Variants in C14orf132 observed in about 807,000 individuals in gnomAD.
The protein encoded by C14orf132 is chromosome 14 open reading frame 132, also known as uncharacterized protein C14orf132.
A neutral mutation model predicts 5.8 loss-of-function variants in C14orf132; 6 were observed. That is an observed-to-expected ratio of 1.03 (90% CI 0.57 to 2.04). The LOEUF (loss-of-function observed/expected upper bound fraction) is 2.04. C14orf132 is among the 30% of genes most tolerant of loss of function. The probability of loss-of-function intolerance (pLI) is 0.00; values close to 1 mark genes in which losing one functional copy is unlikely to be tolerated. For synonymous variants in C14orf132, 51 were observed against 49.8 expected (o/e 1.02, Z -0.10); for missense variants, 125 against 115.8 (o/e 1.08, Z -0.37).
At chr14:96,075,048 C>T (rs1345036525) in intron 1 of C14orf132, among the ~76,000 whole-genome samples, 3 of 152,098 alleles carry the variant, frequency 2.0e-5, no homozygotes, top group African/African-American at 7.2e-5. Flanking sequence ...GATTTCATGA[C>T]CATAGTATTT....
In C14orf132 at chr14:96,071,710, G is replaced by A. The variant is rs1401448468; in HGVS notation, c.28-14801G>A. Among the ~76,000 whole-genome samples, 5 of 152,306 alleles carry A rather than the reference G, an allele frequency of 3.3e-5. 1 individual carries two copies. Among genetic ancestry groups the A allele is most frequent in the South Asian group, 4.1e-4 (2 of 4,832 alleles). ...CTGAGGGATGGTGCCACTCAACCTC[G>A]GGAAGCTGGGCCCCCTTCTGTGGTG... On this transcript the variant is annotated intron_variant, in intron 1 of 1. Coordinates refer to ENST00000555004, the MANE Select transcript of C14orf132 (RefSeq NM_001252507.3).
chr14:96,045,186 G>A (rs1249983504), intron 1 of C14orf132, among the ~76,000 whole-genome samples: 1 of 152,210 alleles, frequency 6.6e-6, no homozygotes, highest in Non-Finnish European at 1.5e-5. Flanking sequence ...TTTAGGTTAA[G>A]GGATGTGCCT....
At chr14:96,071,953 G>A (rs1310957934) in intron 1 of C14orf132, among the ~76,000 whole-genome samples, 1 of 152,242 alleles carries the variant, frequency 6.6e-6, no homozygotes, top group East Asian at 1.9e-4. Context: ...TGTGAATGTG[G>A]CCTCACAGAG....
intron 1 of C14orf132, chr14:96,040,144 C>G (rs985564229): frequency 3.0e-5 from 4 of 134,632 alleles, no homozygotes; most frequent in Admixed American, 7.7e-5. Flanking sequence ...ACCCCCCTCC[C>G]CGACACAAAC....
chr14:96,081,915 G>T (rs1010411422), intron 1 of C14orf132, among the ~76,000 whole-genome samples: 33 of 152,066 alleles, frequency 2.2e-4, no homozygotes, highest in Admixed American at 3.9e-4. Context: ...ATGTTTTTTT[G>T]TTGTTGTTGT....
chr14:96,053,696 G>A (rs116432165), intron 1 of C14orf132, among the ~76,000 whole-genome samples: 2,745 of 152,258 alleles, frequency 0.018, 85 homozygotes, highest in African/African-American at 0.063. Flanking sequence ...AGTCTCCAAT[G>A]GCCACCTGTC....
intron 1 of C14orf132, among the ~76,000 whole-genome samples, chr14:96,071,435 C>A (rs953044704): frequency 6.6e-6 from 1 of 152,164 alleles, no homozygotes; most frequent in Non-Finnish European, 1.5e-5. Context: ...TCCCTTCAAG[C>A]CTTCATCACC....
intron 1 of C14orf132, among the ~76,000 whole-genome samples, chr14:96,085,431 G>A (rs1238650562): frequency 6.6e-6 from 1 of 152,230 alleles, no homozygotes; most frequent in African/African-American, 2.4e-5. Flanking sequence ...CCTGGGCTGG[G>A]GCAGGAAGGG....
intron 1 of C14orf132, chr14:96,051,209 T>G (rs185516764): frequency 5.2e-4 from 208 of 398,682 alleles, no homozygotes; most frequent in African/African-American, 3.8e-3. Context: ...CGTTGCCACT[T>G]GGAGTTCTTC....
intron 1 of C14orf132, among the ~76,000 whole-genome samples, chr14:96,049,460 C>CTA (rs955745624): frequency 1.9e-4 from 27 of 143,406 alleles, no homozygotes; most frequent in African/African-American, 2.3e-4. Context: ...CCTGCCTCAG[C>CTA]TATATATATA....
intron 1 of C14orf132, among the ~76,000 whole-genome samples, chr14:96,041,472 C>A (rs1886692566): frequency 6.6e-6 from 1 of 152,222 alleles, no homozygotes; most frequent in African/African-American, 2.4e-5. Context: ...AGGTACAGGA[C>A]AGATCTATTT....
chr14:96,041,839 C>A (rs1320151287), intron 1 of C14orf132, among the ~76,000 whole-genome samples: 2 of 152,224 alleles, frequency 1.3e-5, no homozygotes, highest in Non-Finnish European at 2.9e-5. Context: ...TCCTGTGGGA[C>A]AAACTTGAAT....
chr14:96,051,080 C>G (rs1477492826), intron 1 of C14orf132: 1 of 398,332 alleles, frequency 2.5e-6, no homozygotes, highest in Admixed American at 4.4e-5. Flanking sequence ...TCCCTGTCTC[C>G]CAAATGCCAC....
In C14orf132 at chr14:96,064,540, T is replaced by C. The variant is rs144940920; in HGVS notation, c.28-21971T>C. Reference sequence around the variant, plus strand: ...AGCATTTGCAGTGACCTGGATGAGATTGGAGACTCTTATTCTAAGTGAAGT... The same window carrying C: ...AGCATTTGCAGTGACCTGGATGAGACTGGAGACTCTTATTCTAAGTGAAGT... On this transcript the variant is annotated intron_variant, in intron 1 of 1. Coordinates refer to ENST00000555004, the MANE Select transcript of C14orf132 (RefSeq NM_001252507.3). 4.8e-3 allele frequency among the ~76,000 whole-genome samples: 729 copies of C among 151,890 alleles called. 57 individuals are homozygous for C. In the East Asian group the frequency reaches 0.12, roughly 25 times the overall value.
At chr14:96,068,350 A>G (rs1334610903) in intron 1 of C14orf132, among the ~76,000 whole-genome samples, 1 of 152,166 alleles carries the variant, frequency 6.6e-6, no homozygotes, top group Non-Finnish European at 1.5e-5. Flanking sequence ...TGGGGATTGG[A>G]GAAGGCCTGG....
chr14:96,091,964 G>A lies in C14orf132; in HGVS notation c.*5229G>A, dbSNP rs537604200. 11 of 152,346 alleles carry A rather than the reference G, an allele frequency of 7.2e-5. No homozygotes were observed. Among genetic ancestry groups the A allele is most frequent in the African/African-American group, 2.6e-4 (11 of 41,566 alleles). The allele number at this position is 152,346 out of a possible 1,614,324, so 9.4% of individuals were successfully genotyped here. A position where few individuals can be genotyped will look rare whatever the true frequency, so the allele number is the denominator to read the frequency against. ...ATTTACTGGGTTTCTTTTTGAGGAA[G>A]AGGGAAAGTGACAAAGGACAAAACA... is the stretch of plus-strand genomic sequence containing the variant. On this transcript the variant is annotated 3_prime_UTR_variant, in exon 2 of 2. Transcript: ENST00000555004.
chr14:96,086,203 G>T (rs1022065599), intron 1 of C14orf132, among the ~76,000 whole-genome samples: 4 of 152,164 alleles, frequency 2.6e-5, no homozygotes, highest in Non-Finnish European at 4.4e-5. Flanking sequence ...AGCCTGGCAT[G>T]GGGGGAGGGG....
Position 96,039,462 on chromosome 14 carries a change from G to GGCAGCA in C14orf132, c.-36_-31dup, listed in dbSNP as rs1408066788. ...CAGGCGGCTGACCCGCAGCGGCAGC[G>GGCAGCA]GCAGCAGCGAGGACTCGAGCGCTGG... On this transcript the variant is annotated 5_prime_UTR_variant, in exon 1 of 2. Coordinates refer to ENST00000555004, the MANE Select transcript of C14orf132 (RefSeq NM_001252507.3). The surrounding 1 kb of genome is among the most constrained non-coding windows in gnomAD (Gnocchi z 5.3). 8.6e-5 allele frequency: 127 copies of GGCAGCA among 1,485,106 alleles called. No individual in the cohort carries two copies. The African/African-American group carries it at 1.3e-3, about 15-fold the overall frequency. The allele number at this position is 1,485,106 out of a possible 1,614,324, so 92.0% of individuals were successfully genotyped here.
chr14:96,081,889 C>T (rs889609419), intron 1 of C14orf132, among the ~76,000 whole-genome samples: 1 of 152,162 alleles, frequency 6.6e-6, no homozygotes, highest in Non-Finnish European at 1.5e-5. Flanking sequence ...CATGAGTCAC[C>T]GCACCCGGCC....
Sources: allele counts gnomAD v4.1 joint callset (sites outside exome capture counted in the v4.1 genomes callset), GRCh38; gene constraint gnomAD v4.1.1; non-coding constraint Gnocchi (gnomAD v3.1); transcripts MANE v1.5; gene names NCBI Gene and HGNC (gene_info 2026-07-23, HGNC 2026-07-21).